The following BRD2 variants were observed in gnomAD, a reference collection of about 807,000 sequenced individuals.
The protein encoded by BRD2 is bromodomain containing 2, also known as bromodomain-containing protein 2.
In BRD2, 15 loss-of-function variants were observed where a neutral mutation model predicts 79.1. The ratio of observed to expected loss-of-function variants is 0.19; its 90% CI spans 0.13 to 0.29. The LOEUF (loss-of-function observed/expected upper bound fraction) is 0.29, where lower values mean the gene tolerates loss of function less well. Among genes scored for constraint, BRD2 ranks in the 10% least tolerant of loss-of-function variants. The pLI is 1.00. For synonymous variants in BRD2, 488 were observed against 358.6 expected, an observed-to-expected ratio of 1.36 and a Z score of -4.08; for missense variants, 1,053 against 991.3, an observed-to-expected ratio of 1.06 and a Z score of -0.84.
chr6:32,975,104 G>A, intron 3 of BRD2: 1 of 1,509,854 alleles, frequency 6.6e-7, no homozygotes, highest in Non-Finnish European at 8.8e-7. Flanking sequence ...TGGATAGCCA[G>A]CCCCAGAGGT....
At chr6:32,969,473 C>G (rs1777755668) in intron 1 of BRD2, 11 of 623,510 alleles carry the variant, frequency 1.8e-5, no homozygotes, top group South Asian at 1.6e-4. Flanking sequence ...ATGTTGTGAA[C>G]TGAGGTTGTT....
intron 1 of BRD2, chr6:32,969,413 TGG>T: frequency 4.2e-6 from 3 of 713,828 alleles, no homozygotes; most frequent in Non-Finnish European, 7.8e-6. Context: ...TGAGGAGTGG[TGG>T]CTGTGGCCCC....
Position 32,980,752 on chromosome 6 carries a change from A to G in BRD2, c.*34A>G. 6.2e-7 allele frequency: 1 copy of G among 1,610,726 alleles called. No homozygotes were observed. Among genetic ancestry groups the G allele is most frequent in the Non-Finnish European group, 8.5e-7 (1 of 1,179,672 alleles). ...GCCAGATGGGGCAGGAAGGCTCCGC[A>G]GGACCGGACCCCTAGACCACCCTGC... On this transcript the variant is annotated 3_prime_UTR_variant, in exon 13 of 13. Coordinates refer to ENST00000374825, the MANE Select transcript of BRD2 (RefSeq NM_005104.4).
At chr6:32,969,444 C>A in intron 1 of BRD2, 1 of 691,390 alleles carries the variant, frequency 1.4e-6, no homozygotes, top group Non-Finnish European at 2.7e-6. Flanking sequence ...GATGTGAATG[C>A]TTTAGGAGTT....
chr6:32,980,299 C>A, intron 11 of BRD2, 43 bp from the exon 12 acceptor site: 2 of 1,608,156 alleles, frequency 1.2e-6, no homozygotes, highest in Admixed American at 3.4e-5. Context: ...TAATAAGATG[C>A]TTGGGGCAAT....
rs764018716 is a variant in BRD2 at position 32,976,869 on chromosome 6, C to T, written c.1133C>T (p.Ala378Val). The T allele has an allele frequency of 1.7e-5, 27 of 1,613,018 alleles. No individual in the cohort carries two copies. The highest frequency in any genetic ancestry group is 1.3e-4 in the East Asian group (6 of 44,904). Residue 378 changes from alanine to valine, a missense_variant, in exon 7 of 13, where the codon GCT (alanine) becomes GTT (valine). Transcript: ENST00000374825. ...YAWPFYKPVD[A>V]SALGLHDYHD... The stretch of plus-strand genomic sequence containing the variant: ...TGGCCTTTCTATAAACCAGTGGATG[C>T]TTCTGCACTTGGCCTGCATGACTAC...
At position 32,981,479 on chromosome 6, in the gene BRD2, A is replaced by T. The variant is rs1358461038; in HGVS notation, c.*761A>T. On this transcript the variant is annotated 3_prime_UTR_variant, in exon 13 of 13. Coordinates refer to ENST00000374825, the MANE Select transcript of BRD2 (RefSeq NM_005104.4). ...AGTAGGCTTTTGCTGTGTTTTTAATAAAGTAAATATGACTTTTGTAAATTG... is the reference window on the plus strand; with the variant it reads ...AGTAGGCTTTTGCTGTGTTTTTAATTAAGTAAATATGACTTTTGTAAATTG... 1 of 152,220 alleles carries T rather than the reference A, an allele frequency of 6.6e-6. No individual in the cohort carries two copies. Among genetic ancestry groups the T allele is most frequent in the Admixed American group, 6.5e-5 (1 of 15,286 alleles). The allele number at this position is 152,220 out of a possible 1,614,324, so 9.4% of individuals were successfully genotyped here. A position where few individuals can be genotyped will look rare whatever the true frequency, so the allele number is the denominator to read the frequency against.
In BRD2 at chr6:32,980,731, G is replaced by C. The variant is rs1779428927; in HGVS notation, c.*13G>C. Reference sequence around the variant, plus strand: ...AGACTCAGGCTAAGGGGTCAGGCCAGATGGGGCAGGAAGGCTCCGCAGGAC... The same window carrying C: ...AGACTCAGGCTAAGGGGTCAGGCCACATGGGGCAGGAAGGCTCCGCAGGAC... On this transcript the variant is annotated 3_prime_UTR_variant, in exon 13 of 13. Coordinates refer to ENST00000374825, the MANE Select transcript of BRD2 (RefSeq NM_005104.4). The C allele has an allele frequency of 2.5e-6, 4 of 1,612,228 alleles. No individual in the cohort carries two copies. Among genetic ancestry groups the C allele is most frequent in the Non-Finnish European group, 3.4e-6 (4 of 1,180,020 alleles).
At chr6:32,974,789 G>A (rs1225419412) in intron 3 of BRD2, 24 bp downstream of exon 3, 2 of 1,605,872 alleles carry the variant, frequency 1.2e-6, no homozygotes, top group Admixed American at 1.7e-5. Flanking sequence ...TTGGAGCCGG[G>A]GAGGTGTGGG....
Position 32,972,709 on chromosome 6 carries a change from G to A in BRD2, c.-190G>A, listed in dbSNP as rs1001874955. On this transcript the variant is annotated 5_prime_UTR_variant, in exon 2 of 13. Transcript: ENST00000374825. ...CGCCGTCTGCAGAGCGCGCCAAGCT[G>A]CCCGGAGCTCTCCGAGAGGCCCCAA... The A allele has an allele frequency of 2.5e-6, 2 of 807,774 alleles. No individual in the cohort carries two copies. Among genetic ancestry groups the A allele is most frequent in the Admixed American group, 5.3e-5 (2 of 37,678 alleles). The allele number at this position is 807,774 out of a possible 1,614,324, so 50.0% of individuals were successfully genotyped here.
rs755878595 is a variant in BRD2 at position 32,974,604 on chromosome 6, C to T, written c.172C>T (p.Pro58Ser). ...TTCGGTGCCTGCTTTGCAACTTACCCCTGCCAACCCACCACCCCCGGAGGT... is the reference window on the plus strand; with the variant it reads ...TTCGGTGCCTGCTTTGCAACTTACCTCTGCCAACCCACCACCCCCGGAGGT... ...MASVPALQLT[P>S]ANPPPPEVSN... Residue 58 changes from proline to serine, a missense_variant, in exon 3 of 13, where the codon CCT becomes TCT. Physicochemically the swap from Pro to Ser is moderately conservative, Grantham distance 74. Coordinates refer to ENST00000374825, the MANE Select transcript of BRD2 (RefSeq NM_005104.4). 17 of 1,614,120 alleles carry T rather than the reference C, an allele frequency of 1.1e-5. No homozygotes were observed. The highest frequency in any genetic ancestry group is 5.0e-5 in the Admixed American group (3 of 60,008).
chr6:32,977,752 T>C lies in BRD2; in HGVS notation c.1330-5T>C, dbSNP rs755327529. On this transcript the variant is annotated splice_region_variant and splice_polypyrimidine_tract_variant and intron_variant, in intron 8 of 12. Coordinates refer to ENST00000374825, the MANE Select transcript of BRD2 (RefSeq NM_005104.4). ...GCATAGTTTTGAGTTTGTGCCTCTT[T>C]GTAGGATGTATTTGAGTTCCGTTAT... 3.6e-5 allele frequency: 58 copies of C among 1,612,806 alleles called. No individual in the cohort carries two copies. The highest frequency in any genetic ancestry group is 4.6e-5 in the Non-Finnish European group (54 of 1,179,958).
Position 32,980,484 on chromosome 6 carries a change from C to G in BRD2, c.2269+20C>G, listed in dbSNP as rs1461023989. ...AGAAAGGTGAGTATATACTTTCATG[C>G]CACTACAGATTGACTCCATCCTGCC... On this transcript the variant is annotated intron_variant, in intron 12 of 12. Transcript: ENST00000374825. The G allele has an allele frequency of 6.2e-7, 1 of 1,612,716 alleles. No homozygotes were observed. The highest frequency in any genetic ancestry group is 8.5e-7 in the Non-Finnish European group (1 of 1,179,944).
In BRD2 at chr6:32,978,243, C is replaced by G. The variant is rs1779040470; in HGVS notation, c.1696C>G (p.Arg566Gly). 3.7e-6 allele frequency: 6 copies of G among 1,612,936 alleles called. No homozygotes were observed. Among genetic ancestry groups the G allele is most frequent in the Non-Finnish European group, 4.2e-6 (5 of 1,180,002 alleles). The change falls in exon 10 of 13, where the codon CGA (arginine) becomes GGA (glycine). Residue 566 changes from arginine to glycine, a missense_variant. This residue lies in a region of BRD2 where 454 missense variants were observed against 430.5 expected (regional missense o/e 1.05). Transcript: ENST00000374825. The stretch of plus-strand genomic sequence containing the variant: ...ACGGAAGGCAGAGAAGCATCGAGGC[C>G]GAGCTGGGGCCGATGAAGATGACAA... ...KKRKAEKHRG[R>G]AGADEDDKGP...
In BRD2 at chr6:32,975,319, G is replaced by A. The variant is rs571457612; in HGVS notation, c.334-65G>A. ...GTGTGTGTGTGTGTGTGAGAGTCGG[G>A]GATCGGTAGTCTCCCTATAAGCATT... On this transcript the variant is annotated intron_variant, in intron 3 of 12. Transcript: ENST00000374825. 85 of 1,316,594 alleles carry A rather than the reference G, an allele frequency of 6.5e-5. No individual in the cohort carries two copies. The African/African-American group carries it at 1.2e-3, about 18-fold the overall frequency. The allele number at this position is 1,316,594 out of a possible 1,614,324, so 81.6% of individuals were successfully genotyped here.
At chr6:32,979,490 C>CTTT in intron 10 of BRD2, 1 of 288,988 alleles carries the variant, frequency 3.5e-6, no homozygotes. Flanking sequence ...TTAGATACTA[C>CTTT]TTTTTTTTTT....
chr6:32,977,529 C>G lies in BRD2; in HGVS notation c.1288C>G (p.Pro430Ala), dbSNP rs1258946563. 3 of 1,614,054 alleles carry G rather than the reference C, an allele frequency of 1.9e-6. No homozygotes were observed. Among genetic ancestry groups the G allele is most frequent in the Admixed American group, 1.7e-5 (1 of 60,032 alleles). ...LMFSNCYKYN[P>A]PDHDVVAMAR... ...GTTCTCCAACTGCTATAAGTACAATCCCCCAGATCACGATGTTGTGGCAAT... is the reference window on the plus strand; with the variant it reads ...GTTCTCCAACTGCTATAAGTACAATGCCCCAGATCACGATGTTGTGGCAAT... Residue 430 changes from proline (P) to alanine (A), a missense_variant, in exon 8 of 13, where the codon CCC becomes GCC. By Grantham distance (27) the Pro-to-Ala change is conservative. Transcript: ENST00000374825.
intron 10 of BRD2, chr6:32,979,611 T>C (rs1297748900): frequency 3.5e-6 from 2 of 574,644 alleles, no homozygotes; most frequent in East Asian, 5.6e-5. Flanking sequence ...TGTACGTACA[T>C]TGTCTTTTTA....
rs1192439540 is a variant in BRD2, at chr6:32,980,131, C to T, written c.2145C>T (p.Tyr715=). Residue 715 remains tyrosine (Y), a splice_region_variant and synonymous_variant, in exon 11 of 13, where the codon TAC becomes TAT. Coordinates refer to ENST00000374825, the MANE Select transcript of BRD2 (RefSeq NM_005104.4). ...SCLRKKPRKP[Y]TIKKPVGKTK... ...TACGTAAGAAACCCCGGAAGCCCTA[C>T]AGTACGTATGAAATGAGGTTCATCT... The T allele has an allele frequency of 1.9e-6, 3 of 1,610,586 alleles. No individual in the cohort carries two copies. The highest frequency in any genetic ancestry group is 1.1e-5 in the South Asian group (1 of 90,978).
Sources: gnomAD v4.1 joint callset for allele counts on GRCh38, gnomAD v4.1.1 for gene constraint, gnomAD v4.1.1 regional missense constraint, MANE v1.5 for transcripts, NCBI Gene and HGNC (gene_info 2026-07-23, HGNC 2026-07-21) for gene names.